Variants in ASAP1 observed in about 807,000 individuals in gnomAD.
ASAP1 encodes ArfGAP with SH3 domain, ankyrin repeat and PH domain 1.
In ASAP1, 43 loss-of-function variants were observed where a neutral mutation model predicts 145.2. The ratio of observed to expected loss-of-function variants is 0.30; its 90% CI spans 0.23 to 0.38. ASAP1 has a LOEUF of 0.38. Among genes scored for constraint, ASAP1 ranks in the 10% least tolerant of loss-of-function variants. ASAP1 has a pLI of 1.00. For missense variants in ASAP1, 1,018 were observed against 1,355.3 expected (o/e 0.75, Z 3.91); for synonymous variants, 546 against 515.5 (o/e 1.06, Z -0.80).
At chr8:130,299,990 G>A (rs1041171109) in intron 3 of ASAP1, among the ~76,000 whole-genome samples, 1 of 152,166 alleles carries the variant, frequency 6.6e-6, no homozygotes, top group African/African-American at 2.4e-5. Context: ...GCAGGATATG[G>A]AAGTTAATTA....
At chr8:130,143,573 T>C (rs2097618535) in intron 13 of ASAP1, among the ~76,000 whole-genome samples, 1 of 152,152 alleles carries the variant, frequency 6.6e-6, no homozygotes. Context: ...TTTTTGAAAA[T>C]GTTTCAATCA....
intron 1 of ASAP1, among the ~76,000 whole-genome samples, chr8:130,409,775 A>T (rs540209078): frequency 2.0e-5 from 3 of 152,370 alleles, no homozygotes; most frequent in African/African-American, 7.2e-5. Context: ...GTCACTGTGA[A>T]GGACCCACAA....
At chr8:130,160,038 A>G in intron 11 of ASAP1, 74 bp from the exon 12 acceptor site, 9 of 1,294,238 alleles carry the variant, frequency 7.0e-6, no homozygotes, top group Non-Finnish European at 1.1e-6. Context: ...TCTGCCATTG[A>G]GCCTTTGGCA....
intron 6 of ASAP1, among the ~76,000 whole-genome samples, chr8:130,187,502 A>C (rs1181778834): frequency 6.6e-6 from 1 of 150,824 alleles, no homozygotes; most frequent in East Asian, 1.9e-4. Flanking sequence ...TGTAGCCTTG[A>C]ACTCCCAGGC....
chr8:130,252,847 A>G (rs904495133), intron 3 of ASAP1, among the ~76,000 whole-genome samples: 1 of 152,218 alleles, frequency 6.6e-6, no homozygotes, highest in African/African-American at 2.4e-5. Context: ...ACACAGTGAG[A>G]GTTCCTTAAA....
chr8:130,075,068 C>T (rs958316300), intron 27 of ASAP1, among the ~76,000 whole-genome samples: 1 of 152,136 alleles, frequency 6.6e-6, no homozygotes, highest in Non-Finnish European at 1.5e-5. Context: ...GTGCTGGGGT[C>T]TGCTGCTAGA....
rs144896560 is a variant in ASAP1, at chr8:130,175,689, T to C, written c.746+3575A>G. ...AAGTCCAATTTATATTTTTATTTGGTTTCCTGTGCTTACTTTGTCTGCTTT... is the reference window on the plus strand; with the variant it reads ...AAGTCCAATTTATATTTTTATTTGGCTTCCTGTGCTTACTTTGTCTGCTTT... On this transcript the variant is annotated intron_variant, in intron 9 of 29. Coordinates refer to ENST00000518721, the MANE Select transcript of ASAP1 (RefSeq NM_018482.4). Among the ~76,000 whole-genome samples the C allele has an allele frequency of 3.8e-3, 580 of 152,314 alleles. 8 individuals are homozygous for C. The highest frequency in any genetic ancestry group is 0.013 in the African/African-American group (555 of 41,566).
At chr8:130,101,550 G>A (rs1357120108) in intron 24 of ASAP1, among the ~76,000 whole-genome samples, 2 of 151,484 alleles carry the variant, frequency 1.3e-5, no homozygotes, top group African/African-American at 2.4e-5. Context: ...GGTAGCTATC[G>A]TAAAAGGGAT....
At chr8:130,361,462 T>G (rs1162549008) in intron 2 of ASAP1, among the ~76,000 whole-genome samples, 2 of 152,204 alleles carry the variant, frequency 1.3e-5, no homozygotes, top group Non-Finnish European at 1.5e-5. Context: ...GGGATTTCTT[T>G]CTTGACTGAA....
chr8:130,398,971 T>C (rs1828656106), intron 2 of ASAP1, among the ~76,000 whole-genome samples: 1 of 152,228 alleles, frequency 6.6e-6, no homozygotes, highest in Admixed American at 6.5e-5. Flanking sequence ...CACACAGTCT[T>C]GCAGAATAAA....
chr8:130,367,359 A>T (rs534365007), intron 2 of ASAP1, among the ~76,000 whole-genome samples: 1 of 152,348 alleles, frequency 6.6e-6, no homozygotes, highest in East Asian at 1.9e-4. Context: ...ATGAATGTAA[A>T]GTCCAAGTAA....
chr8:130,091,891 T>C lies in ASAP1; in HGVS notation c.2572+82A>G. 1.6e-5 allele frequency: 22 copies of C among 1,388,136 alleles called. No homozygotes were observed. In the South Asian group the frequency reaches 2.5e-4, roughly 15 times the overall value. 86.0% of individuals were successfully genotyped at this position (1,388,136 alleles called of 1,614,324 possible). On this transcript the variant is annotated intron_variant, in intron 25 of 29. Transcript: ENST00000518721. ...TGTGCATTTTGGCACACTTTCTGAATGTGCTAACAGGCCACTGCCCAGTGG... is the reference window on the plus strand; with the variant it reads ...TGTGCATTTTGGCACACTTTCTGAACGTGCTAACAGGCCACTGCCCAGTGG...
rs146787948 is a variant in ASAP1 at position 130,206,247 on chromosome 8, A to T, written c.405+8309T>A. Among the ~76,000 whole-genome samples the T allele has an allele frequency of 6.8e-3, 1,032 of 152,140 alleles. 15 individuals carry two copies. Among genetic ancestry groups the T allele is most frequent in the African/African-American group, 0.024 (995 of 41,512 alleles). ...TGAAAACTGCCAATGATTGATGACCATTTTTTTAAAAGATAAGGTTTTAAA... is the reference window on the plus strand; with the variant it reads ...TGAAAACTGCCAATGATTGATGACCTTTTTTTTAAAAGATAAGGTTTTAAA... On this transcript the variant is annotated intron_variant, in intron 5 of 29. Coordinates refer to ENST00000518721, the MANE Select transcript of ASAP1 (RefSeq NM_018482.4).
At chr8:130,213,193 G>T (rs1816690855) in intron 5 of ASAP1, among the ~76,000 whole-genome samples, 1 of 152,158 alleles carries the variant, frequency 6.6e-6, no homozygotes, top group Non-Finnish European at 1.5e-5. Context: ...TAGAGCCAAA[G>T]TTCAAAATTA....
chr8:130,086,294 G>A (rs1300594757), intron 25 of ASAP1, among the ~76,000 whole-genome samples: 3 of 152,180 alleles, frequency 2.0e-5, no homozygotes, highest in Admixed American at 6.5e-5. Context: ...ACCTTTCTGC[G>A]CCCCGAAGTT....
chr8:130,060,924 C>T lies in ASAP1; in HGVS notation c.2847G>A (p.Lys949=), dbSNP rs762750291. 6.2e-7 allele frequency: 1 copy of T among 1,610,864 alleles called. No homozygotes were observed. Among genetic ancestry groups the T allele is most frequent in the East Asian group, 2.2e-5 (1 of 44,846 alleles). Reference sequence around the variant, plus strand: ...TAGGCGGCAAATCTCCAATTTGGGGCTTGGGGGCCAGTTCTGTGGGCTTTG... The same window carrying T: ...TAGGCGGCAAATCTCCAATTTGGGGTTTGGGGGCCAGTTCTGTGGGCTTTG... The part of the protein sequence containing the change: ...LPPKPTELAP[K]PQIGDLPPKP... The change falls in exon 28 of 30, where the codon AAG becomes AAA. Residue 949 remains lysine (K), a synonymous_variant. Transcript: ENST00000518721.
chr8:130,160,532 A>T (rs573642963), intron 11 of ASAP1, among the ~76,000 whole-genome samples: 31 of 118,586 alleles, frequency 2.6e-4, no homozygotes, highest in Non-Finnish European at 3.8e-4. Flanking sequence ...ACAATTCTAC[A>T]GCAGTGAAAA....
Position 130,434,241 on chromosome 8 carries a change from G to A in ASAP1, c.-28+9219C>T, listed in dbSNP as rs139576124. On this transcript the variant is annotated intron_variant, in intron 1 of 29. Coordinates refer to ENST00000518721, the MANE Select transcript of ASAP1 (RefSeq NM_018482.4). The stretch of plus-strand genomic sequence containing the variant: ...TGAGGTGGGAGGATCACTTGAACCT[G>A]GGAGGATTACTTGAACCTGGGATTG... Among the ~76,000 whole-genome samples, 344 of 152,258 alleles carry A rather than the reference G, an allele frequency of 2.3e-3. 2 individuals carry two copies. The highest frequency in any genetic ancestry group is 4.1e-3 in the South Asian group (20 of 4,826).
At chr8:130,254,403 TTATGG>T (rs1193949100) in intron 3 of ASAP1, among the ~76,000 whole-genome samples, 1 of 152,142 alleles carries the variant, frequency 6.6e-6, no homozygotes, top group Non-Finnish European at 1.5e-5. Context: ...CAGTGGTCTG[TTATGG>T]TACTAATTCA....
Sources: allele counts gnomAD v4.1 joint callset (sites outside exome capture counted in the v4.1 genomes callset), GRCh38; gene constraint gnomAD v4.1.1; transcripts MANE v1.5; gene names NCBI Gene and HGNC (gene_info 2026-07-23, HGNC 2026-07-21).